The following CACNG6 variants were observed in gnomAD, a reference collection of about 807,000 sequenced individuals.
CACNG6 encodes voltage-dependent calcium channel gamma-6 subunit.
CACNG6 carries 21 observed loss-of-function variants against 23.9 expected under a neutral mutation model. The observed-to-expected ratio is 0.88, with a 90% CI of 0.62 to 1.26. The LOEUF (loss-of-function observed/expected upper bound fraction) is 1.26, where lower values mean the gene tolerates loss of function less well. CACNG6 is among the 50% of genes most tolerant of loss of function. The pLI, the probability that CACNG6 is intolerant of heterozygous loss-of-function variation, is 0.00. For synonymous variants in CACNG6, 182 were observed against 168.9 expected (o/e 1.08, Z -0.60); for missense variants, 340 against 352.9 (o/e 0.96, Z 0.29).
intron 3 of CACNG6, among the ~76,000 whole-genome samples, chr19:54,008,179 C>T (rs2069667355): frequency 6.6e-6 from 1 of 151,700 alleles, no homozygotes; most frequent in Non-Finnish European, 1.5e-5. Flanking sequence ...ACGGTGAAAC[C>T]CCATCTCTAC....
intron 1 of CACNG6, among the ~76,000 whole-genome samples, chr19:53,993,449 T>G (rs2069487525): frequency 6.6e-6 from 1 of 152,042 alleles, no homozygotes; most frequent in South Asian, 2.1e-4. Flanking sequence ...AACCTGTGCC[T>G]TAGAGCTTGC....
intron 1 of CACNG6, among the ~76,000 whole-genome samples, chr19:53,995,310 A>G (rs2069509455): frequency 6.6e-6 from 1 of 152,094 alleles, no homozygotes; most frequent in Admixed American, 6.6e-5. Flanking sequence ...CAGCAGGGCC[A>G]TTAACGTTAT....
intron 3 of CACNG6, 134 bp from the exon 4 acceptor site, chr19:54,011,817 T>G (rs954858476): frequency 9.0e-6 from 4 of 446,338 alleles, no homozygotes; most frequent in Admixed American, 4.1e-5. Context: ...ATAGTAGGTG[T>G]TTAGTAAGTA....
At chr19:54,011,899 G>T in intron 3 of CACNG6, 52 bp from the exon 4 acceptor site, 2 of 1,312,408 alleles carry the variant, frequency 1.5e-6, no homozygotes, top group South Asian at 1.9e-5. Flanking sequence ...GAGATGTTCA[G>T]ACACAGCTGG....
At chr19:53,998,922 T>C (rs1371349762) in intron 2 of CACNG6, among the ~76,000 whole-genome samples, 1 of 152,178 alleles carries the variant, frequency 6.6e-6, no homozygotes, top group Non-Finnish European at 1.5e-5. Flanking sequence ...CCTGCAGGCA[T>C]CAAGTACTGA....
At chr19:54,000,364 T>C (rs1054270466) in intron 3 of CACNG6, among the ~76,000 whole-genome samples, 2 of 152,178 alleles carry the variant, frequency 1.3e-5, no homozygotes, top group Admixed American at 1.3e-4. Flanking sequence ...CCAAGCCCTA[T>C]TGTTGGCTCA....
In CACNG6 at chr19:53,998,122, TATC is replaced by T. The variant is rs993856600; in HGVS notation, c.332-115_332-113del. 156 of 798,142 alleles carry T rather than the reference TATC, an allele frequency of 2.0e-4. 1 individual carries two copies. Among genetic ancestry groups the T allele is most frequent in the Admixed American group, 3.6e-4 (16 of 44,760 alleles). The allele number at this position is 798,142 out of a possible 1,614,324, so 49.4% of individuals were successfully genotyped here. ...CTGGGCATCATTTTTCTCCTCTGTGTATCAGGGATGCTGATGTCCAAGTTTTAG... is the reference window on the plus strand; with the variant it reads ...CTGGGCATCATTTTTCTCCTCTGTGTAGGGATGCTGATGTCCAAGTTTTAG... On this transcript the variant is annotated intron_variant, in intron 1 of 3. Transcript: ENST00000252729.
chr19:53,993,226 C>T lies in CACNG6; in HGVS notation c.331+18C>T, dbSNP rs766785546. On this transcript the variant is annotated intron_variant, in intron 1 of 3. Coordinates refer to ENST00000252729, the MANE Select transcript of CACNG6 (RefSeq NM_145814.2). ...GCCCGGAGGTGAGCAGCCGCCGCCC[C>T]GAGCGCAGGGCTTGCGTCCCACGGA... is the stretch of plus-strand genomic sequence containing the variant. 2.6e-6 allele frequency: 4 copies of T among 1,527,686 alleles called. No individual in the cohort carries two copies. The highest frequency in any genetic ancestry group is 1.2e-5 in the South Asian group (1 of 82,734). The allele number at this position is 1,527,686 out of a possible 1,614,324, so 94.6% of individuals were successfully genotyped here.
chr19:53,993,505 G>T (rs971158971), intron 1 of CACNG6, among the ~76,000 whole-genome samples: 10 of 151,850 alleles, frequency 6.6e-5, no homozygotes, highest in African/African-American at 2.4e-4. Flanking sequence ...TGCCTACAGG[G>T]AGTCTGTGCC....
chr19:53,999,809 G>A (rs1389549504), intron 3 of CACNG6, 38 bp downstream of exon 3: 2 of 1,607,254 alleles, frequency 1.2e-6, no homozygotes, highest in Admixed American at 3.4e-5. Context: ...GACATTGCAT[G>A]CTGGGAGGAT....
intron 3 of CACNG6, among the ~76,000 whole-genome samples, chr19:54,007,159 A>G (rs307959): frequency 0.75 from 113,921 of 151,948 alleles, 43,350 homozygotes; most frequent in East Asian, 0.95. Context: ...AGCGATTCTC[A>G]TGCCTCAGCC....
chr19:54,011,623 C>T lies in CACNG6; in HGVS notation c.545-328C>T, dbSNP rs116632840. On this transcript the variant is annotated intron_variant, in intron 3 of 3. Coordinates refer to ENST00000252729, the MANE Select transcript of CACNG6 (RefSeq NM_145814.2). ...GTTCACATTGTTATGCAACTATCAC[C>T]CCCATCCACCTTCAGAACGATTTGC... Among the ~76,000 whole-genome samples the T allele has an allele frequency of 8.1e-3, 1,233 of 151,928 alleles. 18 individuals are homozygous for T. The highest frequency in any genetic ancestry group is 0.028 in the African/African-American group (1,144 of 41,448).
intron 3 of CACNG6, 111 bp downstream of exon 3, chr19:53,999,882 G>T (rs2069558655): frequency 5.4e-6 from 7 of 1,290,536 alleles, no homozygotes; most frequent in Non-Finnish European, 7.5e-6. Context: ...CTCAGAGATG[G>T]AATCTCTATG....
At chr19:53,993,568 C>T (rs3893697) in intron 1 of CACNG6, among the ~76,000 whole-genome samples, 65,106 of 149,684 alleles carry the variant, frequency 0.43, 14,439 homozygotes, top group East Asian at 0.55. Flanking sequence ...CCCCCTCAGA[C>T]GAGTCTGTAC....
chr19:53,997,185 T>C (rs1244700469), intron 1 of CACNG6, among the ~76,000 whole-genome samples: 1 of 152,136 alleles, frequency 6.6e-6, no homozygotes, highest in Non-Finnish European at 1.5e-5. Flanking sequence ...TTTTGGATTT[T>C]TAAATTAAAT....
intron 1 of CACNG6, among the ~76,000 whole-genome samples, chr19:53,997,312 C>T (rs939941893): frequency 1.3e-5 from 2 of 152,258 alleles, no homozygotes; most frequent in East Asian, 1.9e-4. Context: ...TTCACAAGGA[C>T]TGTCTGTGTC....
chr19:53,991,572 C>CGAGGGGG (rs2069458702), upstream of CACNG6, among the ~76,000 whole-genome samples: 1 of 63,826 alleles, frequency 1.6e-5, no homozygotes, highest in African/African-American at 5.2e-5. Context: ...GAAATAGCCC[C>CGAGGGGG]GAGGGTGGAG....
At chr19:54,008,134 C>A (rs1208918501) in intron 3 of CACNG6, among the ~76,000 whole-genome samples, 1 of 151,832 alleles carries the variant, frequency 6.6e-6, no homozygotes, top group Non-Finnish European at 1.5e-5. Flanking sequence ...GGATAGATCA[C>A]CTGAGGTCAG....
intron 1 of CACNG6, 126 bp downstream of exon 1, chr19:53,993,334 G>A (rs1281736362): frequency 4.2e-6 from 4 of 960,338 alleles, no homozygotes; most frequent in Non-Finnish European, 4.5e-6. Context: ...AGCTTGCCTC[G>A]CAGTAAGCGC....
Sources: allele counts gnomAD v4.1 joint callset (sites outside exome capture counted in the v4.1 genomes callset), GRCh38; gene constraint gnomAD v4.1.1; transcripts MANE v1.5; gene names NCBI Gene and HGNC (gene_info 2026-07-23, HGNC 2026-07-21).